Variants in MAP7D2 observed in about 807,000 individuals in gnomAD.
The protein encoded by MAP7D2 is MAP7 domain-containing protein 2.
MAP7D2 carries 33 observed loss-of-function variants against 63.5 expected under a neutral mutation model. The ratio of observed to expected loss-of-function variants is 0.52; its 90% CI spans 0.39 to 0.70. The LOEUF (loss-of-function observed/expected upper bound fraction) is 0.70. Among genes scored for constraint, MAP7D2 ranks in the 30% least tolerant of loss-of-function variants. MAP7D2 has a pLI of 0.00. For synonymous variants in MAP7D2, 224 were observed against 223.7 expected (o/e 1.00, Z -0.01); for missense variants, 626 against 604.0 (o/e 1.04, Z -0.38).
chrX:20,068,001 T>C (rs2065403040), intron 1 of MAP7D2, among the ~76,000 whole-genome samples: 1 of 111,846 alleles, frequency 8.9e-6, no homozygotes, highest in African/African-American at 3.3e-5. Flanking sequence ...TGATGCTGGG[T>C]GGGGAAGGGG....
intron 1 of MAP7D2, among the ~76,000 whole-genome samples, chrX:20,094,508 ATATATATG>A (rs1317155798): frequency 0.02 from 232 of 11,537 alleles, 8 homozygotes; most frequent in African/African-American, 0.098. Flanking sequence ...ATATATATAT[ATATATATG>A]TATATATATA....
intron 8 of MAP7D2, among the ~76,000 whole-genome samples, chrX:20,026,184 G>A (rs2073838459): frequency 9.0e-6 from 1 of 111,494 alleles, no homozygotes; most frequent in Admixed American, 9.5e-5. Flanking sequence ...CCCAGCTGAT[G>A]ATGCCATGTC....
intron 8 of MAP7D2, among the ~76,000 whole-genome samples, chrX:20,032,260 C>G (rs1261611974): frequency 8.9e-6 from 1 of 111,746 alleles, no homozygotes; most frequent in African/African-American, 3.3e-5. Flanking sequence ...TTTCAATTAC[C>G]CTCTTCAGGA....
At chrX:20,035,412 T>C (rs1475528081) in intron 8 of MAP7D2, among the ~76,000 whole-genome samples, 1 of 112,057 alleles carries the variant, frequency 8.9e-6, no homozygotes, top group East Asian at 2.8e-4. Flanking sequence ...CTGGGCATAG[T>C]GACCTGCATT....
rs780869041 is a variant in MAP7D2 at position 20,052,978 on chromosome X, T to C, written c.495A>G (p.Lys165=). The change falls in exon 5 of 17, where the codon AAA becomes AAG. Residue 165 remains lysine, a synonymous_variant. Coordinates refer to ENST00000379643, the MANE Select transcript of MAP7D2 (RefSeq NM_001168465.2). ...IGPGGHDACD[K]LSTSTMSLPK... ...GCAAACTCATAGTTGATGTTGAAAG[T>C]TTGTCACATGCTGCAGAGAAATGCA... is the stretch of plus-strand genomic sequence containing the variant. The C allele has an allele frequency of 1.7e-6, 2 of 1,198,770 alleles. No homozygotes were observed.
At chrX:20,049,970 C>T in intron 6 of MAP7D2, 2 of 254,041 alleles carry the variant, frequency 7.9e-6, no homozygotes, top group Non-Finnish European at 1.5e-5. Context: ...TATTAGCTAT[C>T]TGTACAACTT....
At chrX:20,054,129 C>T (rs1285009859) in intron 4 of MAP7D2, among the ~76,000 whole-genome samples, 1 of 112,488 alleles carries the variant, frequency 8.9e-6, no homozygotes, top group Non-Finnish European at 1.9e-5. Flanking sequence ...TGAGCCACTG[C>T]ACCTGGCCCG....
chrX:20,033,916 T>C (rs1210761303), intron 8 of MAP7D2, among the ~76,000 whole-genome samples: 1 of 111,641 alleles, frequency 9.0e-6, no homozygotes, highest in Non-Finnish European at 1.9e-5. Context: ...TTTACAAAAC[T>C]TGTAAGGTAT....
At chrX:20,033,808 C>T (rs1205187606) in intron 8 of MAP7D2, among the ~76,000 whole-genome samples, 1 of 112,214 alleles carries the variant, frequency 8.9e-6, no homozygotes, top group African/African-American at 3.2e-5. Context: ...TCAAAAATAC[C>T]AGTTTTGGTG....
chrX:20,023,189 T>C (rs1390685941), intron 10 of MAP7D2, among the ~76,000 whole-genome samples: 1 of 111,955 alleles, frequency 8.9e-6, no homozygotes, highest in Admixed American at 9.4e-5. Context: ...AAAGGGAAAA[T>C]GAAGGTGGGA....
At chrX:20,113,637 C>A (rs898799629) in intron 1 of MAP7D2, among the ~76,000 whole-genome samples, 16 of 111,798 alleles carry the variant, frequency 1.4e-4, no homozygotes, top group Non-Finnish European at 2.3e-4. Context: ...GGACCCAATG[C>A]CTTTGCTACT....
chrX:20,094,765 T>C (rs1285999057), intron 1 of MAP7D2, among the ~76,000 whole-genome samples: 9 of 102,203 alleles, frequency 8.8e-5, no homozygotes, highest in African/African-American at 3.1e-4. Context: ...TTAGTAGAGA[T>C]GGGATTTCAC....
chrX:20,057,908 T>C (rs1330705072), intron 3 of MAP7D2, among the ~76,000 whole-genome samples: 1 of 112,521 alleles, frequency 8.9e-6, no homozygotes, highest in South Asian at 3.7e-4. Flanking sequence ...GGTCACTTAA[T>C]AGGTATCTGG....
At chrX:20,041,960 G>C (rs2064668435) in intron 8 of MAP7D2, among the ~76,000 whole-genome samples, 2 of 111,404 alleles carry the variant, frequency 1.8e-5, no homozygotes, top group South Asian at 7.7e-4. Flanking sequence ...GAGCCCAGGA[G>C]TTGGAGGCTA....
At chrX:20,042,382 T>G (rs2064680996) in intron 8 of MAP7D2, 120 bp downstream of exon 8, 1 of 808,137 alleles carries the variant, frequency 1.2e-6, no homozygotes. Flanking sequence ...TTCTCCCACT[T>G]ACCACTTCTG....
Position 20,110,092 on chromosome X carries a change from C to CT in MAP7D2, c.130+6657dup, listed in dbSNP as rs1045247492. Among the ~76,000 whole-genome samples the CT allele has an allele frequency of 5.1e-3, 487 of 94,942 alleles. 1 individual carries two copies. Among genetic ancestry groups the CT allele is most frequent in the South Asian group, 0.022 (46 of 2,065 alleles). 82.4% of individuals were successfully genotyped at this position (94,942 alleles called of 115,157 possible). On this transcript the variant is annotated intron_variant, in intron 1 of 16. Coordinates refer to ENST00000379643, the MANE Select transcript of MAP7D2 (RefSeq NM_001168465.2). ...AAAATAAAGTGGATGGTTGCACAGA[C>CT]TTTTTTTTTTTTTTTGGTCATTATT...
At chrX:20,065,413 C>T (rs1305695369) in intron 1 of MAP7D2, among the ~76,000 whole-genome samples, 2 of 109,520 alleles carry the variant, frequency 1.8e-5, no homozygotes, top group African/African-American at 6.7e-5. Context: ...ATTACAGGTG[C>T]GTGCAACCAC....
chrX:20,101,555 A>T (rs1484498952), intron 1 of MAP7D2, among the ~76,000 whole-genome samples: 1 of 112,430 alleles, frequency 8.9e-6, no homozygotes, highest in Non-Finnish European at 1.9e-5. Flanking sequence ...CTAGGTATGT[A>T]CCCAACAGAA....
chrX:20,109,097 T>G (rs893784575), intron 1 of MAP7D2, among the ~76,000 whole-genome samples: 20 of 108,974 alleles, frequency 1.8e-4, no homozygotes, highest in Non-Finnish European at 3.6e-4. Context: ...ATACAAGATC[T>G]TTGTAAGATG....
Sources: allele counts gnomAD v4.1 joint callset (sites outside exome capture counted in the v4.1 genomes callset), GRCh38; gene constraint gnomAD v4.1.1; transcripts MANE v1.5; gene names NCBI Gene and HGNC (gene_info 2026-07-23, HGNC 2026-07-21).